Variants in SLC8A1 observed in about 807,000 individuals in gnomAD.
SLC8A1 encodes the protein solute carrier family 8 member A1, also known as sodium/calcium exchanger 1.
In SLC8A1, 18 loss-of-function variants were observed where a neutral mutation model predicts 68.3. The observed-to-expected ratio is 0.26, with a 90% CI of 0.18 to 0.39. SLC8A1 has a LOEUF of 0.39. Ranked by LOEUF, SLC8A1 falls within the 10% of genes least tolerant of loss-of-function variation. The pLI, the probability that SLC8A1 is intolerant of heterozygous loss-of-function variation, is 1.00. For synonymous variants in SLC8A1, 475 were observed against 415.5 expected, an observed-to-expected ratio of 1.14 and a Z score of -1.74; for missense variants, 985 against 1,156.7, an observed-to-expected ratio of 0.85 and a Z score of 2.15.
At chr2:40,259,913 A>G (rs1238981638) in intron 2 of SLC8A1, among the ~76,000 whole-genome samples, 1 of 152,096 alleles carries the variant, frequency 6.6e-6, no homozygotes, top group Non-Finnish European at 1.5e-5. Context: ...CTGCACAGGC[A>G]CCTCTCACTA....
chr2:40,484,436 AG>A lies in SLC8A1; in HGVS notation c.-25+27912del, dbSNP rs1434260625. Among the ~76,000 whole-genome samples the A allele has an allele frequency of 3.3e-5, 5 of 152,300 alleles. No individual in the cohort carries two copies. In the East Asian group the frequency reaches 9.6e-4, roughly 29 times the overall value. ...CCAAGCCTGCTGCTCCACTCTTCTCAGGGATGCTGTGAGCTTTCTCGTATCT... is the reference window on the plus strand; with the variant it reads ...CCAAGCCTGCTGCTCCACTCTTCTCAGGATGCTGTGAGCTTTCTCGTATCT... On this transcript the variant is annotated intron_variant, in intron 1 of 7. Transcript: ENST00000402441.
chr2:40,402,661 A>T (rs1048609394), intron 2 of SLC8A1, among the ~76,000 whole-genome samples: 15 of 152,172 alleles, frequency 9.9e-5, no homozygotes, highest in Non-Finnish European at 1.6e-4. Context: ...ATTAATCGCC[A>T]CATTTTCCCT....
chr2:40,245,804 A>G (rs1199404542), intron 2 of SLC8A1, among the ~76,000 whole-genome samples: 1 of 152,170 alleles, frequency 6.6e-6, no homozygotes, highest in African/African-American at 2.4e-5. Context: ...TTCAGTTTCT[A>G]AGCTACAATT....
At chr2:40,498,394 T>C (rs940611942) in intron 1 of SLC8A1, among the ~76,000 whole-genome samples, 2 of 152,088 alleles carry the variant, frequency 1.3e-5, no homozygotes, top group African/African-American at 4.8e-5. Context: ...AACCAATCAG[T>C]AGTCTTTAAG....
At chr2:40,226,070 A>G (rs750659578) in intron 2 of SLC8A1, among the ~76,000 whole-genome samples, 13 of 152,132 alleles carry the variant, frequency 8.5e-5, no homozygotes, top group Non-Finnish European at 1.8e-4. Flanking sequence ...ATTAGTCTGG[A>G]TAACTTACAT....
chr2:40,191,113 C>T (rs1219683782), intron 2 of SLC8A1, among the ~76,000 whole-genome samples: 2 of 151,948 alleles, frequency 1.3e-5, no homozygotes, highest in Non-Finnish European at 2.9e-5. Context: ...AATGTCTAAT[C>T]CCAAACAAGT....
chr2:40,447,416 C>A (rs1701642075), intron 1 of SLC8A1, among the ~76,000 whole-genome samples: 1 of 152,044 alleles, frequency 6.6e-6, no homozygotes, highest in South Asian at 2.1e-4. Context: ...TCCCCATCAA[C>A]AGCCCCATTC....
intron 2 of SLC8A1, among the ~76,000 whole-genome samples, chr2:40,392,658 T>A (rs1426869279): frequency 1.3e-5 from 2 of 152,136 alleles, no homozygotes; most frequent in Non-Finnish European, 2.9e-5. Flanking sequence ...CAAGATTTTG[T>A]ATTCCTTGAT....
At chr2:40,172,988 A>G (rs1305823494) in intron 4 of SLC8A1, among the ~76,000 whole-genome samples, 1 of 152,118 alleles carries the variant, frequency 6.6e-6, no homozygotes, top group Non-Finnish European at 1.5e-5. Context: ...AGATATTCAA[A>G]CACGTCAATG....
At chr2:40,172,786 C>A (rs561346127) in intron 4 of SLC8A1, among the ~76,000 whole-genome samples, 111 of 152,044 alleles carry the variant, frequency 7.3e-4, no homozygotes, top group African/African-American at 2.6e-3. Flanking sequence ...ACTAAAAATA[C>A]AAAAAATTAG....
At chr2:40,397,466 C>T (rs1687351212) in intron 2 of SLC8A1, among the ~76,000 whole-genome samples, 1 of 152,160 alleles carries the variant, frequency 6.6e-6, no homozygotes. Context: ...GCTGCAAATC[C>T]ATTTTCACAG....
In SLC8A1 at chr2:40,139,741, A is replaced by G. The variant is rs745364651; in HGVS notation, c.2162-65T>C. On this transcript the variant is annotated intron_variant, in intron 6 of 7. Coordinates refer to ENST00000406785, the Ensembl canonical transcript of SLC8A1. The stretch of plus-strand genomic sequence containing the variant: ...TGTTGCCGGGTCTTCCTCTCTCTCA[A>G]TCTCTCCTATCTAGGTCGGTCATCC... 8.5e-6 allele frequency: 13 copies of G among 1,534,756 alleles called. No homozygotes were observed. In the East Asian group the frequency reaches 9.0e-5, roughly 11 times the overall value.
At chr2:40,369,760 T>C (rs141137016) in intron 2 of SLC8A1, among the ~76,000 whole-genome samples, 7 of 152,220 alleles carry the variant, frequency 4.6e-5, no homozygotes, top group African/African-American at 1.4e-4. Context: ...TGTTGAGCCA[T>C]TGGCCAGAGC....
chr2:40,306,460 G>C (rs111549450), intron 2 of SLC8A1, among the ~76,000 whole-genome samples: 7 of 149,322 alleles, frequency 4.7e-5, no homozygotes, highest in Non-Finnish European at 7.4e-5. Flanking sequence ...TGTGGGGGGG[G>C]GCATAGCGTG....
At chr2:40,171,049 A>G (rs566170434) in intron 4 of SLC8A1, among the ~76,000 whole-genome samples, 3 of 152,046 alleles carry the variant, frequency 2.0e-5, no homozygotes, top group Admixed American at 6.6e-5. Context: ...TTCACTTGCT[A>G]TTTGCCTCTA....
rs1558810266 is a variant in SLC8A1 at position 40,219,810 on chromosome 2, G to GACTAAAA, written c.1809-41956_1809-41955insTTTTAGT. 8.1e-3 allele frequency among the ~76,000 whole-genome samples: 202 copies of GACTAAAA among 24,958 alleles called. 22 individuals carry two copies. The highest frequency in any genetic ancestry group is 0.015 in the Admixed American group (25 of 1,662). 16.4% of individuals were successfully genotyped at this position (24,958 alleles called of 152,430 possible). A position where few individuals can be genotyped will look rare whatever the true frequency, so the allele number is the denominator to read the frequency against. On this transcript the variant is annotated intron_variant, in intron 2 of 7. Coordinates refer to ENST00000406785, the Ensembl canonical transcript of SLC8A1. ...CTAGTTGATGAGAGAGATGTGCTTT[G>GACTAAAA]TTTGCTATGCATGAGATTGCTTGAA... is the stretch of plus-strand genomic sequence containing the variant.
chr2:40,165,000 A>G lies in SLC8A1; in HGVS notation c.1931-16T>C, dbSNP rs756367008. ...TCATATTCGTCTGTGAAACGGAAGTATCAGAGAGTGAGCACTGTGTTCTGT... is the reference window on the plus strand; with the variant it reads ...TCATATTCGTCTGTGAAACGGAAGTGTCAGAGAGTGAGCACTGTGTTCTGT... On this transcript the variant is annotated splice_polypyrimidine_tract_variant and intron_variant, in intron 4 of 7. Transcript: ENST00000406785. 1.9e-6 allele frequency: 3 copies of G among 1,613,356 alleles called. No homozygotes were observed. The highest frequency in any genetic ancestry group is 2.5e-6 in the Non-Finnish European group (3 of 1,179,766).
intron 2 of SLC8A1, among the ~76,000 whole-genome samples, chr2:40,183,344 A>G (rs546142156): frequency 2.0e-5 from 3 of 152,354 alleles, no homozygotes; most frequent in Non-Finnish European, 4.4e-5. Flanking sequence ...ATTTACATTA[A>G]CAAAGAATGA....
rs535320116 is a variant in SLC8A1 at position 40,309,944 on chromosome 2, A to G, written c.1808+118529T>C. On this transcript the variant is annotated intron_variant, in intron 2 of 7. Transcript: ENST00000406785. ...ATTCCAGAACATTGTATTCAGCCCCAAAAGAAACCCTGTACCAATAACCAT... is the reference window on the plus strand; with the variant it reads ...ATTCCAGAACATTGTATTCAGCCCCGAAAGAAACCCTGTACCAATAACCAT... 2.0e-5 allele frequency among the ~76,000 whole-genome samples: 3 copies of G among 152,242 alleles called. No homozygotes were observed. The East Asian group carries it at 5.8e-4, about 29-fold the overall frequency.
Sources: allele counts gnomAD v4.1 joint callset (sites outside exome capture counted in the v4.1 genomes callset), GRCh38; gene constraint gnomAD v4.1.1; transcripts MANE v1.5; gene names NCBI Gene and HGNC (gene_info 2026-07-23, HGNC 2026-07-21).